KCNMA1: variants seen among roughly 807,000 people sequenced by gnomAD.
The protein encoded by KCNMA1 is potassium calcium-activated channel subfamily M alpha 1, also known as Calcium-activated potassium channel subunit alpha-1.
In KCNMA1, 29 loss-of-function variants were observed where a neutral mutation model predicts 140.0. That is an observed-to-expected ratio of 0.21 (90% confidence interval 0.15 to 0.28). The LOEUF is 0.28. KCNMA1 is among the 10% of genes least tolerant of loss of function. KCNMA1 has a pLI of 1.00. For synonymous variants in KCNMA1, 612 were observed against 611.9 expected (o/e 1.00, Z 0.00); for missense variants, 880 against 1,602.2 (o/e 0.55, Z 7.70).
At chr10:77,198,923 G>A (rs11002075) in intron 3 of KCNMA1, among the ~76,000 whole-genome samples, 5 of 152,014 alleles carry the variant, frequency 3.3e-5, no homozygotes, top group African/African-American at 7.2e-5. Context: ...GATTCCCTGC[G>A]TGTATGATGG....
At chr10:77,057,512 GA>G (rs2095583741) in intron 14 of KCNMA1, among the ~76,000 whole-genome samples, 1 of 151,994 alleles carries the variant, frequency 6.6e-6, no homozygotes, top group Admixed American at 6.5e-5. Context: ...TACTTCTCTT[GA>G]ATTCTTTAAA....
chr10:77,625,732 C>T (rs1435284099), intron 1 of KCNMA1, among the ~76,000 whole-genome samples: 1 of 152,164 alleles, frequency 6.6e-6, no homozygotes, highest in Non-Finnish European at 1.5e-5. Context: ...TACCACAATT[C>T]GCTAATCTAT....
At chr10:77,398,306 C>T (rs2096137751) in intron 2 of KCNMA1, among the ~76,000 whole-genome samples, 1 of 152,152 alleles carries the variant, frequency 6.6e-6, no homozygotes, top group South Asian at 2.1e-4. Context: ...AGAGGTTGTA[C>T]TAATTTACAT....
In KCNMA1 at chr10:76,884,962, G is replaced by T; in HGVS notation, c.*2304C>A. The T allele has an allele frequency of 6.5e-7, 1 of 1,544,532 alleles. No homozygotes were observed. Among genetic ancestry groups the T allele is most frequent in the East Asian group, 2.5e-5 (1 of 40,494 alleles). On this transcript the variant is annotated 3_prime_UTR_variant, in exon 28 of 28. Transcript: ENST00000286628. ...GAAGAAAACCCCCAGCAGTGGCTAGGTCATGCAGAACCATTAATTGTCATA... is the reference window on the plus strand; with the variant it reads ...GAAGAAAACCCCCAGCAGTGGCTAGTTCATGCAGAACCATTAATTGTCATA...
rs557214732 is a variant in KCNMA1 at position 77,382,710 on chromosome 10, C to A, written c.540+21152G>T. Reference sequence around the variant, plus strand: ...TAAAACCCTGTCTCTACTAAAAATACAAAAATTAGCTCGGTGTGGTGGTGG... The same window carrying A: ...TAAAACCCTGTCTCTACTAAAAATAAAAAAATTAGCTCGGTGTGGTGGTGG... On this transcript the variant is annotated intron_variant, in intron 2 of 27. Transcript: ENST00000286628. Among the ~76,000 whole-genome samples, 512 of 150,876 alleles carry A rather than the reference C, an allele frequency of 3.4e-3. 1 individual carries two copies. Among genetic ancestry groups the A allele is most frequent in the Non-Finnish European group, 6.3e-3 (428 of 67,684 alleles).
intron 1 of KCNMA1, chr10:77,633,999 C>A: frequency 3.8e-6 from 1 of 263,806 alleles, no homozygotes; most frequent in Non-Finnish European, 5.9e-6. Flanking sequence ...CATTCCTCAA[C>A]TCCTCCCTCT....
chr10:77,055,594 C>A (rs984490423), intron 14 of KCNMA1, among the ~76,000 whole-genome samples: 4 of 151,952 alleles, frequency 2.6e-5, no homozygotes, highest in Non-Finnish European at 5.9e-5. Context: ...ACAATGCAAG[C>A]CAGAAAAAGA....
chr10:77,055,563 G>A (rs1302454610), intron 14 of KCNMA1, among the ~76,000 whole-genome samples: 2 of 148,624 alleles, frequency 1.3e-5, no homozygotes, highest in East Asian at 4.1e-4. Context: ...AAGCCATCTA[G>A]TAGTGGCAGT....
chr10:77,308,072 G>T (rs1252490151), intron 2 of KCNMA1, among the ~76,000 whole-genome samples: 1 of 152,208 alleles, frequency 6.6e-6, no homozygotes, highest in Admixed American at 6.5e-5. Context: ...ACAAGGTGCT[G>T]TAGATGAGCA....
chr10:77,080,274 C>G (rs140642948), intron 12 of KCNMA1, among the ~76,000 whole-genome samples: 1 of 152,190 alleles, frequency 6.6e-6, no homozygotes, highest in Non-Finnish European at 1.5e-5. Flanking sequence ...GGTATAAATA[C>G]GACAGCCTGC....
chr10:77,496,706 T>C (rs2042092849), intron 1 of KCNMA1, among the ~76,000 whole-genome samples: 1 of 146,774 alleles, frequency 6.8e-6, no homozygotes, highest in African/African-American at 2.5e-5. Flanking sequence ...TTTCTCAACA[T>C]CACTGTGAGG....
chr10:77,574,510 C>T (rs1228744096), intron 1 of KCNMA1, among the ~76,000 whole-genome samples: 9 of 152,108 alleles, frequency 5.9e-5, no homozygotes, highest in Admixed American at 3.9e-4. Context: ...AAAATCATCC[C>T]AGACTGAAAA....
At chr10:77,350,771 C>T (rs1378817792) in intron 2 of KCNMA1, 5 of 152,254 alleles carry the variant, frequency 3.3e-5, no homozygotes, top group Admixed American at 2.6e-4. Context: ...TGCCTTCCTA[C>T]CTCCAGGGGT....
At chr10:77,472,096 C>T (rs894019412) in intron 1 of KCNMA1, among the ~76,000 whole-genome samples, 3 of 149,470 alleles carry the variant, frequency 2.0e-5, no homozygotes, top group Non-Finnish European at 4.5e-5. Context: ...ACACACACAC[C>T]ACATAAATAC....
intron 18 of KCNMA1, chr10:77,008,101 T>A: frequency 1.5e-6 from 2 of 1,337,506 alleles, no homozygotes; most frequent in Non-Finnish European, 2.1e-6. Flanking sequence ...AAACTAAAAC[T>A]GTACAGAAAA....
chr10:77,568,499 A>G (rs2069290647), intron 1 of KCNMA1, among the ~76,000 whole-genome samples: 1 of 152,058 alleles, frequency 6.6e-6, no homozygotes, highest in Admixed American at 6.5e-5. Context: ...GATTATCTCA[A>G]TAGATGCAGA....
chr10:77,129,277 T>C (rs923516350), intron 5 of KCNMA1, among the ~76,000 whole-genome samples: 2 of 152,202 alleles, frequency 1.3e-5, no homozygotes, highest in Non-Finnish European at 2.9e-5. Flanking sequence ...AGATGATGGA[T>C]GAGGATGAGT....
chr10:77,179,712 C>G (rs937331911), intron 5 of KCNMA1, among the ~76,000 whole-genome samples: 1 of 152,074 alleles, frequency 6.6e-6, no homozygotes, highest in Non-Finnish European at 1.5e-5. Context: ...GGAATGCACC[C>G]CTCCCACCAC....
intron 2 of KCNMA1, among the ~76,000 whole-genome samples, chr10:77,336,615 T>C (rs1334315419): frequency 6.6e-6 from 1 of 152,216 alleles, no homozygotes; most frequent in African/African-American, 2.4e-5. Context: ...TAGAATGCTA[T>C]TTTAATAATA....
Sources: allele counts gnomAD v4.1 joint callset (sites outside exome capture counted in the v4.1 genomes callset), GRCh38; gene constraint gnomAD v4.1.1; transcripts MANE v1.5; gene names NCBI Gene and HGNC (gene_info 2026-07-23, HGNC 2026-07-21).